The following CDC25B variants were observed in gnomAD, a reference collection of about 807,000 sequenced individuals.
CDC25B encodes the protein M-phase inducer phosphatase 2.
CDC25B carries 33 observed loss-of-function variants against 69.8 expected under a neutral mutation model. The observed-to-expected ratio is 0.47, with a 90% CI of 0.36 to 0.63. The LOEUF (loss-of-function observed/expected upper bound fraction) is 0.63, where lower values mean the gene tolerates loss of function less well. CDC25B is among the 30% of genes least tolerant of loss of function. The pLI is 0.00. For synonymous variants in CDC25B, 341 were observed against 314.6 expected, an observed-to-expected ratio of 1.08 and a Z score of -0.89; for missense variants, 727 against 809.1, an observed-to-expected ratio of 0.90 and a Z score of 1.23.
At position 3,803,095 on chromosome 20, in the gene CDC25B, T is replaced by C; in HGVS notation, c.1258-13T>C. The C allele has an allele frequency of 6.2e-7, 1 of 1,611,826 alleles. No homozygotes were observed. The highest frequency in any genetic ancestry group is 8.5e-7 in the Non-Finnish European group (1 of 1,177,982). Reference sequence around the variant, plus strand: ...CCTGACCTGCCGGAACCAACCCCCATGACCTCCTACAGATGGTGGCCCTAT... The same window carrying C: ...CCTGACCTGCCGGAACCAACCCCCACGACCTCCTACAGATGGTGGCCCTAT... On this transcript the variant is annotated splice_polypyrimidine_tract_variant and intron_variant, in intron 12 of 15. Transcript: ENST00000245960. This position sits in a 1 kb window ranked among gnomAD's most constrained non-coding sequence, Gnocchi z 4.9.
At position 3,796,547 on chromosome 20, in the gene CDC25B, C is replaced by T; in HGVS notation, c.16C>T (p.Pro6Ser). Residue 6 changes from proline (P) to serine (S), a missense_variant, in exon 1 of 16, where the codon CCG (proline) becomes TCG (serine). This residue lies in a region of CDC25B where 368 missense variants were observed against 345.6 expected (regional missense o/e 1.06). Transcript: ENST00000245960. Reference sequence around the variant, plus strand: ...CCCCGCCGCGATGGAGGTGCCCCAGCCGGAGCCCGCGCCAGGCTCGGCTCT... The same window carrying T: ...CCCCGCCGCGATGGAGGTGCCCCAGTCGGAGCCCGCGCCAGGCTCGGCTCT... MEVPQPEPAPGSALSP... is the reference protein window; with the variant it reads MEVPQSEPAPGSALSP... The T allele has an allele frequency of 1.3e-6, 2 of 1,481,560 alleles. No individual in the cohort carries two copies. The highest frequency in any genetic ancestry group is 1.8e-6 in the Non-Finnish European group (2 of 1,123,410). 91.8% of individuals were successfully genotyped at this position (1,481,560 alleles called of 1,614,324 possible). A position where few individuals can be genotyped will look rare whatever the true frequency, so the allele number is the denominator to read the frequency against.
rs2089461302 is a variant in CDC25B at position 3,805,972 on chromosome 20, G to A, written c.*1011G>A. 10 of 400,740 alleles carry A rather than the reference G, an allele frequency of 2.5e-5. No homozygotes were observed. In the East Asian group the frequency reaches 3.6e-4, roughly 14 times the overall value. 24.8% of individuals were successfully genotyped at this position (400,740 alleles called of 1,614,324 possible). Reference sequence around the variant, plus strand: ...ACTTAGGGTTTGGAGCTATTCAAGAGGAAATGTCACAGAAGCAGCTAAACC... The same window carrying A: ...ACTTAGGGTTTGGAGCTATTCAAGAAGAAATGTCACAGAAGCAGCTAAACC... On this transcript the variant is annotated 3_prime_UTR_variant, in exon 16 of 16. Coordinates refer to ENST00000245960, the MANE Select transcript of CDC25B (RefSeq NM_021873.4).
upstream of CDC25B, among the ~76,000 whole-genome samples, chr20:3,793,648 T>C (rs1283437515): frequency 6.6e-6 from 1 of 150,854 alleles, no homozygotes; most frequent in African/African-American, 2.4e-5. Context: ...GTGCACAATG[T>C]GCAGGTTAGT....
chr20:3,799,861 C>T (rs1477085942), intron 3 of CDC25B, among the ~76,000 whole-genome samples: 1 of 152,140 alleles, frequency 6.6e-6, no homozygotes, highest in African/African-American at 2.4e-5. Flanking sequence ...TGTCCAGGCC[C>T]TGGAGACACC....
At chr20:3,802,641 C>T (rs946094017) in intron 11 of CDC25B, 7 of 600,014 alleles carry the variant, frequency 1.2e-5, no homozygotes, top group Non-Finnish European at 1.5e-5. Context: ...CCCCTCATGC[C>T]TCACCTTCGG....
In CDC25B at chr20:3,805,278, T is replaced by A; in HGVS notation, c.*317T>A. The A allele has an allele frequency of 2.6e-6, 1 of 389,430 alleles. No individual in the cohort carries two copies. Among genetic ancestry groups the A allele is most frequent in the Non-Finnish European group, 4.8e-6 (1 of 210,392 alleles). The allele number at this position is 389,430 out of a possible 1,614,324, so 24.1% of individuals were successfully genotyped here. On this transcript the variant is annotated 3_prime_UTR_variant, in exon 16 of 16. Coordinates refer to ENST00000245960, the MANE Select transcript of CDC25B (RefSeq NM_021873.4). ...TGTTAGGGTTAACCCTTCATCTTCC[T>A]GTGTCCTGAAACGCTCCTTTGTGTG... is the stretch of plus-strand genomic sequence containing the variant.
chr20:3,795,663 G>A, upstream of CDC25B: 1 of 966,244 alleles, frequency 1.0e-6, no homozygotes, highest in Non-Finnish European at 1.2e-6. Flanking sequence ...TCCCGCGAAA[G>A]AGCCCATCAG....
At position 3,801,113 on chromosome 20, in the gene CDC25B, C is replaced by A; in HGVS notation, c.705+20C>A. Reference sequence around the variant, plus strand: ...CTGATGGTACATCCAGAGAGCGGATCCCTGGGAGGGGCCTGGGGAGGCAGC... The same window carrying A: ...CTGATGGTACATCCAGAGAGCGGATACCTGGGAGGGGCCTGGGGAGGCAGC... On this transcript the variant is annotated intron_variant, in intron 7 of 15. Transcript: ENST00000245960. The A allele has an allele frequency of 6.2e-7, 1 of 1,613,228 alleles. No individual in the cohort carries two copies. The highest frequency in any genetic ancestry group is 1.1e-5 in the South Asian group (1 of 91,042).
intron 2 of CDC25B, among the ~76,000 whole-genome samples, chr20:3,798,008 C>T (rs1037488649): frequency 3.3e-5 from 5 of 152,216 alleles, no homozygotes; most frequent in African/African-American, 7.2e-5. Context: ...TGTAAAACCA[C>T]GCTCCAGAGT....
upstream of CDC25B, among the ~76,000 whole-genome samples, chr20:3,793,572 AATTTT>A (rs71704888): frequency 0.65 from 87,949 of 135,772 alleles, 28,299 homozygotes; most frequent in African/African-American, 0.79. Context: ...GGTTTTAGAG[AATTTT>A]ATTTTATTTT....
intron 1 of CDC25B, among the ~76,000 whole-genome samples, chr20:3,789,101 C>T (rs1323576212): frequency 1.3e-5 from 2 of 152,218 alleles, no homozygotes; most frequent in African/African-American, 4.8e-5. Flanking sequence ...TCTGAGGCCC[C>T]GGGCTTCCCC....
intron 8 of CDC25B, 87 bp from the exon 9 acceptor site, chr20:3,801,635 G>T: frequency 1.6e-6 from 2 of 1,217,834 alleles, no homozygotes; most frequent in Non-Finnish European, 1.2e-6. Flanking sequence ...AGGGAAACAG[G>T]GAAGGCTGTG....
intron 4 of CDC25B, 39 bp from the exon 5 acceptor site, chr20:3,800,423 C>T (rs2089235441): frequency 2.5e-6 from 4 of 1,613,732 alleles, no homozygotes; most frequent in African/African-American, 1.3e-5. Flanking sequence ...CCCTGCCCTG[C>T]CTCTCCCAGC....
At position 3,805,019 on chromosome 20, in the gene CDC25B, CT is replaced by C; in HGVS notation, c.*59del. Reference sequence around the variant, plus strand: ...CTTTCGAGGCCTGAAGCCAGCTGCCCTATGGGCCTGCCGGGCTGAGGGCCTG... The same window carrying C: ...CTTTCGAGGCCTGAAGCCAGCTGCCCATGGGCCTGCCGGGCTGAGGGCCTG... On this transcript the variant is annotated 3_prime_UTR_variant, in exon 16 of 16. Coordinates refer to ENST00000245960, the MANE Select transcript of CDC25B (RefSeq NM_021873.4). The C allele has an allele frequency of 3.2e-6, 5 of 1,565,704 alleles. No individual in the cohort carries two copies. Among genetic ancestry groups the C allele is most frequent in the Non-Finnish European group, 3.5e-6 (4 of 1,158,120 alleles).
Position 3,797,702 on chromosome 20 carries a change from C to T in CDC25B, c.281C>T (p.Ala94Val). ...RLTHLSLSRR[A>V]SESSLSSESS... ...ACGCACCTATCCCTGTCTCGACGGG[C>T]ATCCGAATCCTCCCTGTCGTCTGAA... The change falls in exon 2 of 16, where the codon GCA becomes GTA. Residue 94 changes from alanine (A) to valine (V), a missense_variant. This residue lies in a region of CDC25B where 368 missense variants were observed against 345.6 expected (regional missense o/e 1.06). Transcript: ENST00000245960. 1.9e-6 allele frequency: 3 copies of T among 1,614,178 alleles called. No homozygotes were observed. Among genetic ancestry groups the T allele is most frequent in the Non-Finnish European group, 2.5e-6 (3 of 1,180,034 alleles).
At position 3,800,806 on chromosome 20, in the gene CDC25B, C is replaced by G. The variant is rs779300536; in HGVS notation, c.523C>G (p.Arg175Gly). ...CACCAACTCCCAGGCGCCCGACGGC[C>G]GGAGGAAGAGCGAGGCGGGCAGTGG... ...NITNSQAPDG[R>G]RKSEAGSGAA... The change falls in exon 6 of 16, where the codon CGG becomes GGG. Residue 175 changes from arginine to glycine, a missense_variant. Around this residue, in one of 2 missense-constraint regions of CDC25B, gnomAD observed 368 missense variants for 345.6 expected, o/e 1.06. Transcript: ENST00000245960. 1 of 1,613,050 alleles carries G rather than the reference C, an allele frequency of 6.2e-7. No individual in the cohort carries two copies. The highest frequency in any genetic ancestry group is 8.5e-7 in the Non-Finnish European group (1 of 1,180,034).
At chr20:3,804,494 C>T (rs536104663) in intron 14 of CDC25B, 75 bp from the exon 15 acceptor site, 26 of 905,080 alleles carry the variant, frequency 2.9e-5, no homozygotes, top group East Asian at 4.8e-5. Context: ...AAGGAGGGGA[C>T]GTGGGGGATA....
rs1600411366 is a variant in CDC25B at position 3,805,206 on chromosome 20, C to T, written c.*245C>T. 1.8e-6 allele frequency: 1 copy of T among 550,114 alleles called. No homozygotes were observed. Among genetic ancestry groups the T allele is most frequent in the East Asian group, 3.0e-5 (1 of 33,572 alleles). 34.1% of individuals were successfully genotyped at this position (550,114 alleles called of 1,614,324 possible). A position where few individuals can be genotyped will look rare whatever the true frequency, so the allele number is the denominator to read the frequency against. ...TGAGTTAGTTAAGTTGGGTTAATAC[C>T]AGCTTAAAGGCAGTATTTTGTGTCC... On this transcript the variant is annotated 3_prime_UTR_variant, in exon 16 of 16. Coordinates refer to ENST00000245960, the MANE Select transcript of CDC25B (RefSeq NM_021873.4).
chr20:3,799,515 T>TGCGC (rs1322856269), intron 3 of CDC25B, among the ~76,000 whole-genome samples: 4 of 61,658 alleles, frequency 6.5e-5, no homozygotes, highest in African/African-American at 1.9e-4. Flanking sequence ...TGTGTGTGTG[T>TGCGC]GTGTGTGTGT....
Sources: gnomAD v4.1 joint callset for allele counts (sites outside exome capture counted in the v4.1 genomes callset) on GRCh38, gnomAD v4.1.1 for gene constraint, gnomAD v4.1.1 regional missense constraint, Gnocchi (gnomAD v3.1) non-coding constraint, MANE v1.5 for transcripts, NCBI Gene and HGNC (gene_info 2026-07-23, HGNC 2026-07-21) for gene names.